MAP3K10: variants seen among roughly 807,000 people sequenced by gnomAD.
The protein encoded by MAP3K10 is MKN28 derived nonreceptor_type serine/threonine kinase.
In MAP3K10, 22 loss-of-function variants were observed where a neutral mutation model predicts 75.0. That is an observed-to-expected ratio of 0.29 (90% CI 0.21 to 0.42). MAP3K10 has a LOEUF of 0.42. Ranked by LOEUF, MAP3K10 falls within the 10% of genes least tolerant of loss-of-function variation. MAP3K10 has a pLI of 1.00. For missense variants in MAP3K10, 1,165 were observed against 1,379.8 expected (o/e 0.84, Z 2.47); for synonymous variants, 599 against 612.9 (o/e 0.98, Z 0.34).
At position 40,213,606 on chromosome 19, in the gene MAP3K10, G is replaced by A. The variant is rs767730944; in HGVS notation, c.1927G>A (p.Glu643Lys). Residue 643 changes from glutamate to lysine, a missense_variant, in exon 9 of 10, where the codon GAG becomes AAG. Physicochemically the swap from Glu to Lys is moderately conservative, Grantham distance 56. Around this residue, in one of 2 missense-constraint regions of MAP3K10, gnomAD observed 590 missense variants for 586.6 expected, o/e 1.01. Transcript: ENST00000253055. The surrounding 1 kb of genome is among the most constrained non-coding windows in gnomAD (Gnocchi z 5.7). ...PSYLSVPLPA[E>K]PSPGARAPWE... is the part of the protein sequence containing the mutation. ...CTACCTCTCAGTGCCACTGCCTGCCGAGCCCTCCCCGGGGGCGCGGGCGCC... is the reference window on the plus strand; with the variant it reads ...CTACCTCTCAGTGCCACTGCCTGCCAAGCCCTCCCCGGGGGCGCGGGCGCC... 4.7e-5 allele frequency: 74 copies of A among 1,588,244 alleles called. No individual in the cohort carries two copies. The highest frequency in any genetic ancestry group is 7.0e-5 in the Admixed American group (4 of 57,320).
chr19:40,196,754 A>C (rs1403630193), intron 1 of MAP3K10, among the ~76,000 whole-genome samples: 1 of 152,090 alleles, frequency 6.6e-6, no homozygotes, highest in Non-Finnish European at 1.5e-5. Context: ...CCTGACCTCA[A>C]GTGATCCACC....
Position 40,214,240 on chromosome 19 carries a change from A to C in MAP3K10, c.2542+19A>C. ...GGCCCTGGTGAGTGAGGCGCCCTGC[A>C]CCCAGGTCACAGAAAACCCCTTCTT... On this transcript the variant is annotated intron_variant, in intron 9 of 9. Transcript: ENST00000253055. 1 of 1,375,072 alleles carries C rather than the reference A, an allele frequency of 7.3e-7. No individual in the cohort carries two copies. 85.2% of individuals were successfully genotyped at this position (1,375,072 alleles called of 1,614,324 possible).
rs3746007 is a variant in MAP3K10 at position 40,192,211 on chromosome 19, C to T, written c.180C>T (p.Thr60=). 609 of 1,607,476 alleles carry T rather than the reference C, an allele frequency of 3.8e-4. 3 individuals carry two copies. In the Admixed American group the frequency reaches 5.6e-3, roughly 15 times the overall value. Residue 60 remains threonine, a synonymous_variant, in exon 1 of 10, where the codon ACC becomes ACT. Coordinates refer to ENST00000253055, the MANE Select transcript of MAP3K10 (RefSeq NM_002446.4). The surrounding 1 kb of genome is among the most constrained non-coding windows in gnomAD (Gnocchi z 7.1). ...TGTCCGGCGACGAGGGCTGGTGGACCGGGCAGCTCCCCAGCGGCCGCGTGG... is the reference window on the plus strand; with the variant it reads ...TGTCCGGCGACGAGGGCTGGTGGACTGGGCAGCTCCCCAGCGGCCGCGTGG... ...CAVSGDEGWW[T]GQLPSGRVGV...
Position 40,214,293 on chromosome 19 carries a change from G to A in MAP3K10, c.2542+72G>A, listed in dbSNP as rs1045603080. The A allele has an allele frequency of 1.2e-5, 16 of 1,352,168 alleles. No homozygotes were observed. In the African/African-American group the frequency reaches 2.3e-4, roughly 20 times the overall value. 83.8% of individuals were successfully genotyped at this position (1,352,168 alleles called of 1,614,324 possible). On this transcript the variant is annotated intron_variant, in intron 9 of 9. Transcript: ENST00000253055. ...CTCCTCTGCCAGGGTCGCAAGTCCA[G>A]CCCAGCCACGACCCCTCAGGCAGCC...
In MAP3K10 at chr19:40,214,443, G is replaced by A. The variant is rs1398031126; in HGVS notation, c.2542+222G>A. Among the ~76,000 whole-genome samples, 6 of 152,326 alleles carry A rather than the reference G, an allele frequency of 3.9e-5. No homozygotes were observed. The South Asian group carries it at 1.0e-3, about 26-fold the overall frequency. On this transcript the variant is annotated intron_variant, in intron 9 of 9. Coordinates refer to ENST00000253055, the MANE Select transcript of MAP3K10 (RefSeq NM_002446.4). ...CTGATGCCTATAAGGCCAGGCAGGT[G>A]CCTATAGCGGTTGTGACCAGCATGA... is the stretch of plus-strand genomic sequence containing the variant.
At position 40,213,849 on chromosome 19, in the gene MAP3K10, C is replaced by T; in HGVS notation, c.2170C>T (p.Pro724Ser). The T allele has an allele frequency of 7.3e-7, 1 of 1,370,930 alleles. No individual in the cohort carries two copies. Among genetic ancestry groups the T allele is most frequent in the African/African-American group, 1.6e-5 (1 of 64,464 alleles). 84.9% of individuals were successfully genotyped at this position (1,370,930 alleles called of 1,614,324 possible). ...CCGCTTCCCGCGGGGCCTCAGCCCA[C>T]CCGCGCGTCCCCACGGCCGCCGCGA... ...AGRFPRGLSP[P>S]ARPHGRREDV... Residue 724 changes from proline (P) to serine (S), a missense_variant, in exon 9 of 10, where the codon CCC becomes TCC. This residue lies in a region of MAP3K10 where 590 missense variants were observed against 586.6 expected (regional missense o/e 1.01). Transcript: ENST00000253055. This position sits in a 1 kb window ranked among gnomAD's most constrained non-coding sequence, Gnocchi z 5.7.
rs568974171 is a variant in MAP3K10 at position 40,213,660 on chromosome 19, G to A, written c.1981G>A (p.Ala661Thr). 145 of 1,243,912 alleles carry A rather than the reference G, an allele frequency of 1.2e-4. No homozygotes were observed. The highest frequency in any genetic ancestry group is 2.5e-4 in the Middle Eastern group (1 of 4,062). The allele number at this position is 1,243,912 out of a possible 1,614,324, so 77.1% of individuals were successfully genotyped here. ...PWEPTPSAPP[A>T]RWGHGARRRC... is the part of the protein sequence containing the mutation. Reference sequence around the variant, plus strand: ...GGAGCCGACGCCGTCCGCGCCCCCCGCTCGGTGGGGACACGGCGCCCGGCG... The same window carrying A: ...GGAGCCGACGCCGTCCGCGCCCCCCACTCGGTGGGGACACGGCGCCCGGCG... Residue 661 changes from alanine (A) to threonine (T), a missense_variant, in exon 9 of 10, where the codon GCT becomes ACT. Ala to Thr is a moderately conservative substitution (Grantham distance 58). Transcript: ENST00000253055. This position sits in a 1 kb window ranked among gnomAD's most constrained non-coding sequence, Gnocchi z 5.7.
At chr19:40,202,958 G>A (rs1434039816) in intron 2 of MAP3K10, among the ~76,000 whole-genome samples, 1 of 152,194 alleles carries the variant, frequency 6.6e-6, no homozygotes, top group Non-Finnish European at 1.5e-5. Context: ...AAGAATGGGA[G>A]GCTGTCAGCT....
intron 5 of MAP3K10, among the ~76,000 whole-genome samples, chr19:40,207,918 G>A (rs1172645505): frequency 2.6e-5 from 4 of 151,618 alleles, no homozygotes; most frequent in African/African-American, 4.9e-5. Context: ...TTCTGAGATG[G>A]GGTCTTGCTA....
intron 2 of MAP3K10, among the ~76,000 whole-genome samples, chr19:40,202,115 A>C (rs12971806): frequency 0.18 from 28,059 of 152,010 alleles, 3,087 homozygotes; most frequent in East Asian, 0.25. Flanking sequence ...ATCTCAGCTC[A>C]CTGCAAGCTC....
At chr19:40,197,490 T>C (rs1294021999) in intron 1 of MAP3K10, among the ~76,000 whole-genome samples, 1 of 152,100 alleles carries the variant, frequency 6.6e-6, no homozygotes, top group Non-Finnish European at 1.5e-5. Flanking sequence ...GATGCTCGGC[T>C]AATTTTTGTA....
chr19:40,207,823 C>T (rs1470399455), intron 5 of MAP3K10, among the ~76,000 whole-genome samples: 7 of 152,124 alleles, frequency 4.6e-5, no homozygotes, highest in Admixed American at 4.6e-4. Flanking sequence ...TCTTTTTTCA[C>T]ACTAAATCTT....
Position 40,215,253 on chromosome 19 carries a change from C to A in MAP3K10, c.2826C>A (p.Asp942Glu). The A allele has an allele frequency of 6.4e-7, 1 of 1,555,646 alleles. No individual in the cohort carries two copies. The highest frequency in any genetic ancestry group is 8.7e-7 in the Non-Finnish European group (1 of 1,150,074). ...TGGACATGGAGGGGCAGAACCAAGA[C>A]AGCACAGTGCCCCTGTGCGGGGCCC... ...LDMDMEGQNQ[D>E]STVPLCGAHG... is the part of the protein sequence containing the mutation. The change falls in exon 10 of 10, where the codon GAC becomes GAA. Residue 942 changes from aspartate to glutamate, a missense_variant. By Grantham distance (45) the Asp-to-Glu change is conservative (BLOSUM62 2). Coordinates refer to ENST00000253055, the MANE Select transcript of MAP3K10 (RefSeq NM_002446.4).
chr19:40,194,113 C>T (rs1568486308), intron 1 of MAP3K10, among the ~76,000 whole-genome samples: 1 of 152,166 alleles, frequency 6.6e-6, no homozygotes, highest in Non-Finnish European at 1.5e-5. Flanking sequence ...GTAATCCCAG[C>T]ACTTTGGGAG....
rs1311222056 is a variant in MAP3K10 at position 40,191,813 on chromosome 19, C to T, written c.-219C>T. The T allele has an allele frequency of 2.5e-5, 4 of 162,174 alleles. 1 individual carries two copies. The highest frequency in any genetic ancestry group is 5.3e-5 in the Non-Finnish European group (4 of 75,446). The allele number at this position is 162,174 out of a possible 1,614,324, so 10.0% of individuals were successfully genotyped here. ...GGTGAACCTGCCGCCCCACTCCCAC[C>T]CCGCCCCGCCCCGCCCGTACAGCCA... On this transcript the variant is annotated 5_prime_UTR_variant, in exon 1 of 10. Coordinates refer to ENST00000253055, the MANE Select transcript of MAP3K10 (RefSeq NM_002446.4).
Position 40,192,455 on chromosome 19 carries a change from G to T in MAP3K10, c.424G>T (p.Val142Leu), listed in dbSNP as rs1247326791. ...EKDPAVTAEQ[V>L]CQEARLFGAL... ...GGACCCGGCAGTGACAGCGGAGCAG[G>T]TGTGCCAGGAAGCCCGGCTCTTTGG... Residue 142 changes from valine (V) to leucine (L), a missense_variant, in exon 1 of 10, where the codon GTG (valine) becomes TTG (leucine). Val to Leu is a conservative substitution (Grantham distance 32). Coordinates refer to ENST00000253055, the MANE Select transcript of MAP3K10 (RefSeq NM_002446.4). This position sits in a 1 kb window ranked among gnomAD's most constrained non-coding sequence, Gnocchi z 7.1. 6.2e-7 allele frequency: 1 copy of T among 1,613,928 alleles called. No individual in the cohort carries two copies. Among genetic ancestry groups the T allele is most frequent in the Non-Finnish European group, 8.5e-7 (1 of 1,180,004 alleles).
chr19:40,210,333 A>G (rs1409190562), intron 6 of MAP3K10, among the ~76,000 whole-genome samples: 1 of 152,198 alleles, frequency 6.6e-6, no homozygotes, highest in East Asian at 1.9e-4. Flanking sequence ...ACGATTATGG[A>G]GGCTGGGAAG....
At chr19:40,195,209 G>C (rs537177090) in intron 1 of MAP3K10, among the ~76,000 whole-genome samples, 3 of 152,264 alleles carry the variant, frequency 2.0e-5, no homozygotes, top group African/African-American at 7.2e-5. Flanking sequence ...TATTTTATTT[G>C]ATGTAGTGGA....
chr19:40,207,692 G>C (rs560241996), intron 5 of MAP3K10, among the ~76,000 whole-genome samples: 1 of 152,036 alleles, frequency 6.6e-6, no homozygotes, highest in African/African-American at 2.4e-5. Context: ...CCGAGATCGC[G>C]CCATTGTACT....
Sources: allele counts gnomAD v4.1 joint callset (sites outside exome capture counted in the v4.1 genomes callset), GRCh38; gene constraint gnomAD v4.1.1; regional missense constraint gnomAD v4.1.1; non-coding constraint Gnocchi (gnomAD v3.1); transcripts MANE v1.5; gene names NCBI Gene and HGNC (gene_info 2026-07-23, HGNC 2026-07-21).